The following PRKAR2B variants were observed in gnomAD, a reference collection of about 807,000 sequenced individuals.
PRKAR2B encodes the protein protein kinase cAMP-dependent type II regulatory subunit beta.
Under a neutral mutation model 49.9 loss-of-function variants are expected in PRKAR2B, and 14 were observed. The observed-to-expected ratio is 0.28, with a 90% CI of 0.19 to 0.44. The LOEUF (loss-of-function observed/expected upper bound fraction) is 0.44. PRKAR2B is among the 20% of genes least tolerant of loss of function. The pLI is 1.00. For missense variants in PRKAR2B, 393 were observed against 537.9 expected (o/e 0.73, Z 2.67); for synonymous variants, 196 against 197.7 (o/e 0.99, Z 0.07).
intron 2 of PRKAR2B, among the ~76,000 whole-genome samples, chr7:107,084,871 C>T (rs1268011246): frequency 1.3e-5 from 2 of 151,758 alleles, no homozygotes; most frequent in African/African-American, 2.4e-5. Context: ...GTGATCCACC[C>T]GCCTCGGCCT....
chr7:107,121,133 A>G (rs1030220792), intron 2 of PRKAR2B, among the ~76,000 whole-genome samples: 1 of 151,882 alleles, frequency 6.6e-6, no homozygotes, highest in African/African-American at 2.4e-5. Flanking sequence ...TTTTTGTCGG[A>G]CAATCGATAG....
chr7:107,052,124 G>T (rs150784107), intron 1 of PRKAR2B, among the ~76,000 whole-genome samples: 77 of 152,200 alleles, frequency 5.1e-4, no homozygotes, highest in African/African-American at 1.7e-3. Context: ...TCTTTTAAAT[G>T]GTGTCCTTTT....
At chr7:107,101,284 G>A (rs373866311) in intron 2 of PRKAR2B, among the ~76,000 whole-genome samples, 10 of 151,878 alleles carry the variant, frequency 6.6e-5, no homozygotes, top group South Asian at 6.2e-4. Context: ...CTGTATCTTC[G>A]TGATGCAGTG....
Position 107,150,978 on chromosome 7 carries a change from G to C in PRKAR2B, c.798G>C (p.Met266Ile). 1 of 1,599,684 alleles carries C rather than the reference G, an allele frequency of 6.3e-7. No homozygotes were observed. The highest frequency in any genetic ancestry group is 8.5e-7 in the Non-Finnish European group (1 of 1,174,058). Residue 266 changes from methionine to isoleucine, a missense_variant, in exon 7 of 11, where the codon ATG (methionine) becomes ATC (isoleucine). Physicochemically the swap from Met to Ile is conservative, Grantham distance 10 (BLOSUM62 1). This residue lies in a region of PRKAR2B where 233 missense variants were observed against 390.4 expected (regional missense o/e 0.60). Transcript: ENST00000265717. ...AAAACAATGCCAAAAAGAGAAAAAT[G>C]TATGAAAGCTTTATTGAGTCACTGC... Reference protein sequence around the residue: ...IVKNNAKKRKMYESFIESLPF... With the variant: ...IVKNNAKKRKIYESFIESLPF...
chr7:107,075,392 C>CA (rs1794377625), intron 2 of PRKAR2B, among the ~76,000 whole-genome samples: 1 of 151,324 alleles, frequency 6.6e-6, no homozygotes, highest in Admixed American at 6.6e-5. Context: ...TAAGCCACCA[C>CA]ACCTGGCAAT....
intron 1 of PRKAR2B, chr7:107,069,916 G>A (rs1023410683): frequency 1.1e-4 from 18 of 158,432 alleles, no homozygotes; most frequent in Admixed American, 3.9e-4. Context: ...TAAATCTCTA[G>A]TAGATTTACC....
intron 5 of PRKAR2B, 143 bp from the exon 6 acceptor site, chr7:107,146,165 C>G (rs1418607797): frequency 7.3e-6 from 6 of 817,290 alleles, no homozygotes; most frequent in African/African-American, 6.9e-5. Flanking sequence ...ACAGATGGCA[C>G]AGATTGATTC....
At chr7:107,085,419 A>G (rs1017693217) in intron 2 of PRKAR2B, among the ~76,000 whole-genome samples, 4 of 152,038 alleles carry the variant, frequency 2.6e-5, no homozygotes, top group Non-Finnish European at 4.4e-5. Flanking sequence ...TTATGAATCA[A>G]TCTTTTTTTA....
intron 1 of PRKAR2B, among the ~76,000 whole-genome samples, chr7:107,062,068 A>G (rs147595271): frequency 3.3e-5 from 5 of 152,266 alleles, no homozygotes; most frequent in Admixed American, 6.5e-5. Flanking sequence ...TGGAACTCCT[A>G]TATGGTCCTG....
intron 2 of PRKAR2B, among the ~76,000 whole-genome samples, chr7:107,080,465 G>A (rs1421017100): frequency 6.6e-6 from 1 of 152,118 alleles, no homozygotes; most frequent in Non-Finnish European, 1.5e-5. Context: ...CCATTGCCAG[G>A]GACTACACTA....
At chr7:107,063,590 G>A (rs1321195417) in intron 1 of PRKAR2B, among the ~76,000 whole-genome samples, 2 of 152,166 alleles carry the variant, frequency 1.3e-5, no homozygotes, top group Non-Finnish European at 2.9e-5. Context: ...TCAGGGAAAA[G>A]CTTCCTGAGA....
chr7:107,057,771 A>G (rs1054498049), intron 1 of PRKAR2B, among the ~76,000 whole-genome samples: 2 of 152,184 alleles, frequency 1.3e-5, no homozygotes, highest in Admixed American at 6.5e-5. Flanking sequence ...TGTGTTAAAA[A>G]AAAACACAAC....
chr7:107,087,173 G>C (rs1474343735), intron 2 of PRKAR2B, among the ~76,000 whole-genome samples: 2 of 151,726 alleles, frequency 1.3e-5, no homozygotes, highest in African/African-American at 4.8e-5. Flanking sequence ...GCAGAAAAGT[G>C]AAATAAATAC....
intron 2 of PRKAR2B, among the ~76,000 whole-genome samples, chr7:107,114,097 A>G (rs1210577739): frequency 6.6e-6 from 1 of 152,186 alleles, no homozygotes; most frequent in African/African-American, 2.4e-5. Context: ...GACTGAATGC[A>G]TACTTGTAGA....
At position 107,160,856 on chromosome 7, in the gene PRKAR2B, C is replaced by T. The variant is rs1008539109; in HGVS notation, c.*1274C>T. The T allele has an allele frequency of 6.6e-6, 1 of 152,282 alleles. No individual in the cohort carries two copies. The highest frequency in any genetic ancestry group is 3.4e-3 in the Middle Eastern group (1 of 294). 9.4% of individuals were successfully genotyped at this position (152,282 alleles called of 1,614,324 possible). A position where few individuals can be genotyped will look rare whatever the true frequency, so the allele number is the denominator to read the frequency against. On this transcript the variant is annotated 3_prime_UTR_variant, in exon 11 of 11. Transcript: ENST00000265717. ...CATTGATATGCTCAGTATGCTGCCA[C>T]ATAAGATGAATTTAATTATATTCAA...
chr7:107,062,861 A>G (rs779505688), intron 1 of PRKAR2B, among the ~76,000 whole-genome samples: 27 of 152,270 alleles, frequency 1.8e-4, no homozygotes, highest in Non-Finnish European at 3.1e-4. Flanking sequence ...TGTGGGGCAT[A>G]AATGGTACTG....
intron 1 of PRKAR2B, among the ~76,000 whole-genome samples, chr7:107,050,324 A>G (rs957946379): frequency 3.7e-4 from 52 of 139,864 alleles, no homozygotes; most frequent in African/African-American, 1.4e-3. Flanking sequence ...TAGATAAGAC[A>G]GTTACCAGCT....
In PRKAR2B at chr7:107,100,150, T is replaced by C. The variant is rs76276368; in HGVS notation, c.344-21802T>C. The stretch of plus-strand genomic sequence containing the variant: ...TATCTAGTATCATTTCCTTTTAGCC[T>C]GAAAGAGTTCCTTTAATTCCTTGTT... On this transcript the variant is annotated intron_variant, in intron 2 of 10. Transcript: ENST00000265717. Among the ~76,000 whole-genome samples the C allele has an allele frequency of 3.8e-3, 575 of 152,254 alleles. 4 individuals carry two copies. The highest frequency in any genetic ancestry group is 0.014 in the African/African-American group (562 of 41,528).
At chr7:107,088,105 A>G (rs1174893561) in intron 2 of PRKAR2B, among the ~76,000 whole-genome samples, 3 of 152,178 alleles carry the variant, frequency 2.0e-5, no homozygotes, top group African/African-American at 7.2e-5. Flanking sequence ...TCCGTTTTAA[A>G]GAAACGAAAA....
Sources: gnomAD v4.1 joint callset for allele counts (sites outside exome capture counted in the v4.1 genomes callset) on GRCh38, gnomAD v4.1.1 for gene constraint, gnomAD v4.1.1 regional missense constraint, MANE v1.5 for transcripts, NCBI Gene and HGNC (gene_info 2026-07-23, HGNC 2026-07-21) for gene names.